CNTNAP5: variants seen among roughly 807,000 people sequenced by gnomAD.
CNTNAP5 encodes contactin-associated protein-like 5.
Under a neutral mutation model 150.2 loss-of-function variants are expected in CNTNAP5, and 72 were observed. The ratio of observed to expected loss-of-function variants is 0.48; its 90% CI spans 0.40 to 0.58. The LOEUF (loss-of-function observed/expected upper bound fraction) is 0.58. CNTNAP5 is among the 20% of genes least tolerant of loss of function. The pLI is 0.00. For synonymous variants in CNTNAP5, 672 were observed against 619.8 expected, an observed-to-expected ratio of 1.08 and a Z score of -1.25; for missense variants, 1,636 against 1,626.2, an observed-to-expected ratio of 1.01 and a Z score of -0.10.
At position 124,860,442 on chromosome 2, in the gene CNTNAP5, TC is replaced by T. The variant is rs1208301446; in HGVS notation, c.3218-4862del. Among the ~76,000 whole-genome samples, 751 of 129,470 alleles carry T rather than the reference TC, an allele frequency of 5.8e-3. 43 individuals are homozygous for T. The highest frequency in any genetic ancestry group is 0.026 in the African/African-American group (704 of 27,120). The allele number at this position is 129,470 out of a possible 152,430, so 84.9% of individuals were successfully genotyped here. A position where few individuals can be genotyped will look rare whatever the true frequency, so the allele number is the denominator to read the frequency against. On this transcript the variant is annotated intron_variant, in intron 19 of 23. Coordinates refer to ENST00000682447, the MANE Select transcript of CNTNAP5 (RefSeq NM_001367498.1). ...TTCCTTCCTTCCTTCCTTCCTTCCTTCCTTCCTTCTTTCCTTCCTTCCTTCC... is the reference window on the plus strand; with the variant it reads ...TTCCTTCCTTCCTTCCTTCCTTCCTTCTTCCTTCTTTCCTTCCTTCCTTCC...
At chr2:124,294,990 C>T (rs1688385544) in intron 3 of CNTNAP5, among the ~76,000 whole-genome samples, 1 of 152,032 alleles carries the variant, frequency 6.6e-6, no homozygotes, top group Admixed American at 6.6e-5. Flanking sequence ...TACAGGCACC[C>T]AGCTACTCCG....
intron 2 of CNTNAP5, among the ~76,000 whole-genome samples, chr2:124,230,735 T>C (rs1456038650): frequency 1.3e-5 from 2 of 152,020 alleles, no homozygotes; most frequent in Admixed American, 6.6e-5. Context: ...TTTCACCATA[T>C]TGGTCAGACT....
At chr2:124,635,948 T>C (rs1439972783) in intron 12 of CNTNAP5, among the ~76,000 whole-genome samples, 1 of 152,232 alleles carries the variant, frequency 6.6e-6, no homozygotes, top group Non-Finnish European at 1.5e-5. Context: ...GACTGATTGC[T>C]GTCCATAGGG....
chr2:124,504,035 A>G (rs990103769), intron 7 of CNTNAP5, among the ~76,000 whole-genome samples: 1 of 152,156 alleles, frequency 6.6e-6, no homozygotes, highest in Non-Finnish European at 1.5e-5. Context: ...GAAAGTGTGG[A>G]TACTTCCATC....
At chr2:124,278,016 C>T (rs1687924839) in intron 3 of CNTNAP5, among the ~76,000 whole-genome samples, 1 of 152,138 alleles carries the variant, frequency 6.6e-6, no homozygotes, top group Non-Finnish European at 1.5e-5. Flanking sequence ...CCAGTTCCTC[C>T]TCCAGTGGGT....
intron 3 of CNTNAP5, among the ~76,000 whole-genome samples, chr2:124,248,444 T>A (rs569238593): frequency 6.5e-4 from 99 of 152,332 alleles, no homozygotes; most frequent in South Asian, 3.9e-3. Flanking sequence ...GGTTCTGTCC[T>A]AAGCTCTTTT....
At chr2:124,030,623 A>T (rs559019580) in intron 1 of CNTNAP5, among the ~76,000 whole-genome samples, 2 of 152,114 alleles carry the variant, frequency 1.3e-5, no homozygotes, top group African/African-American at 2.4e-5. Context: ...AGTAGCAGTT[A>T]GCACCACAGC....
intron 4 of CNTNAP5, among the ~76,000 whole-genome samples, chr2:124,423,652 C>T (rs1207429517): frequency 9.4e-4 from 39 of 41,568 alleles, no homozygotes; most frequent in South Asian, 5.8e-3. Context: ...GGCTAATTAA[C>T]TTTTTTTTTT....
chr2:124,516,564 T>G (rs1230531162), intron 8 of CNTNAP5, among the ~76,000 whole-genome samples: 1 of 152,204 alleles, frequency 6.6e-6, no homozygotes, highest in Non-Finnish European at 1.5e-5. Flanking sequence ...AATAAAGCCA[T>G]CAAGGAAATC....
At chr2:124,314,795 C>T (rs1283432815) in intron 3 of CNTNAP5, among the ~76,000 whole-genome samples, 1 of 152,144 alleles carries the variant, frequency 6.6e-6, no homozygotes, top group Non-Finnish European at 1.5e-5. Context: ...GCATATCCTA[C>T]TTTACGAATG....
intron 22 of CNTNAP5, among the ~76,000 whole-genome samples, chr2:124,904,168 T>C (rs1243729896): frequency 6.6e-6 from 1 of 151,678 alleles, no homozygotes; most frequent in East Asian, 1.9e-4. Context: ...ACAACCGCCG[T>C]TCTCTCTGTT....
chr2:124,536,702 G>A (rs529691366), intron 10 of CNTNAP5, among the ~76,000 whole-genome samples: 10 of 152,062 alleles, frequency 6.6e-5, no homozygotes, highest in East Asian at 1.9e-4. Context: ...TAGCCAGAGC[G>A]GGCCAGGGAG....
intron 8 of CNTNAP5, among the ~76,000 whole-genome samples, chr2:124,515,347 G>C (rs78403205): frequency 0.025 from 3,732 of 152,286 alleles, 64 homozygotes; most frequent in Middle Eastern, 0.092. Flanking sequence ...ATCCCACTGG[G>C]AAGAGGAGAC....
intron 22 of CNTNAP5, among the ~76,000 whole-genome samples, chr2:124,905,352 A>T (rs916018611): frequency 9.2e-5 from 14 of 152,102 alleles, no homozygotes; most frequent in African/African-American, 3.4e-4. Flanking sequence ...AAATTGGTAC[A>T]GCCATTATGG....
chr2:124,716,493 T>C (rs1197967309), intron 13 of CNTNAP5, among the ~76,000 whole-genome samples: 1 of 151,678 alleles, frequency 6.6e-6, no homozygotes, highest in Non-Finnish European at 1.5e-5. Context: ...TATAATACTT[T>C]TTATATAATT....
At chr2:124,886,922 G>A (rs1678093463) in intron 21 of CNTNAP5, among the ~76,000 whole-genome samples, 1 of 151,958 alleles carries the variant, frequency 6.6e-6, no homozygotes, top group Admixed American at 6.6e-5. Context: ...CACTTTGACT[G>A]TTAATGAGCT....
intron 3 of CNTNAP5, among the ~76,000 whole-genome samples, chr2:124,257,920 T>G (rs947315331): frequency 4.6e-5 from 7 of 152,150 alleles, no homozygotes; most frequent in Admixed American, 4.6e-4. Context: ...AAAACCGAAA[T>G]GTTCTCTAAA....
At chr2:124,245,076 C>T (rs781419322) in intron 3 of CNTNAP5, among the ~76,000 whole-genome samples, 7 of 151,998 alleles carry the variant, frequency 4.6e-5, no homozygotes, top group South Asian at 2.1e-4. Context: ...TTACTTTTCT[C>T]ACCTCAAATG....
chr2:124,598,432 G>T (rs1259564130), intron 11 of CNTNAP5, among the ~76,000 whole-genome samples: 1 of 138,412 alleles, frequency 7.2e-6, no homozygotes, highest in East Asian at 2.2e-4. Context: ...CCCTGCTGGG[G>T]GGTGCCTCCC....
Sources: gnomAD v4.1 joint callset for allele counts (sites outside exome capture counted in the v4.1 genomes callset) on GRCh38, gnomAD v4.1.1 for gene constraint, MANE v1.5 for transcripts, NCBI Gene and HGNC (gene_info 2026-07-23, HGNC 2026-07-21) for gene names.